NRCAM: variants seen among roughly 807,000 people sequenced by gnomAD.
NRCAM encodes the protein neuronal cell adhesion molecule, also known as NgCAM-related cell adhesion molecule.
Under a neutral mutation model 156.5 loss-of-function variants are expected in NRCAM, and 83 were observed. The observed-to-expected ratio is 0.53, with a 90% CI of 0.44 to 0.64. NRCAM has a LOEUF of 0.64. Among genes scored for constraint, NRCAM ranks in the 30% least tolerant of loss-of-function variants. NRCAM has a pLI of 0.00. For missense variants in NRCAM, 1,417 were observed against 1,597.3 expected (o/e 0.89, Z 1.92); for synonymous variants, 538 against 563.9 (o/e 0.95, Z 0.65).
At position 108,149,785 on chromosome 7, in the gene NRCAM, C is replaced by T; in HGVS notation, c.*125G>A. The T allele has an allele frequency of 2.6e-6, 2 of 770,288 alleles. No homozygotes were observed. The highest frequency in any genetic ancestry group is 4.3e-6 in the Non-Finnish European group (2 of 465,288). The allele number at this position is 770,288 out of a possible 1,614,324, so 47.7% of individuals were successfully genotyped here. ...GTTATGTTTTTGCTGTAACTATTCT[C>T]ATAATACTAACATACAGCAGAAAAT... is the stretch of plus-strand genomic sequence containing the variant. On this transcript the variant is annotated 3_prime_UTR_variant, in exon 33 of 33. Transcript: ENST00000379028.
At chr7:108,196,510 A>C (rs553937076) in intron 14 of NRCAM, among the ~76,000 whole-genome samples, 16 of 152,352 alleles carry the variant, frequency 1.1e-4, no homozygotes, top group Admixed American at 9.8e-4. Context: ...ACCTGGTTAA[A>C]AATGGGCAAG....
At chr7:108,366,366 T>C (rs900850970) in intron 2 of NRCAM, among the ~76,000 whole-genome samples, 1 of 152,184 alleles carries the variant, frequency 6.6e-6, no homozygotes, top group African/African-American at 2.4e-5. Flanking sequence ...AGACTGCAAT[T>C]GAACCACTAA....
Position 108,195,870 on chromosome 7 carries a change from C to G in NRCAM, c.1354G>C (p.Glu452Gln). 1 of 1,587,186 alleles carries G rather than the reference C, an allele frequency of 6.3e-7. No homozygotes were observed. The highest frequency in any genetic ancestry group is 8.6e-7 in the Non-Finnish European group (1 of 1,156,206). ...GCAGGTGTGAGGATTCGTGGTGGCTCAGCTACAAATATTTTTAAAAGGTAA... is the reference window on the plus strand; with the variant it reads ...GCAGGTGTGAGGATTCGTGGTGGCTGAGCTACAAATATTTTTAAAAGGTAA... ...LANAFVNVLA[E>Q]PPRILTPANT... Residue 452 changes from glutamate (E) to glutamine (Q), a missense_variant and splice_region_variant, in exon 15 of 33, where the codon GAG (glutamate) becomes CAG (glutamine). Around this residue, in one of 2 missense-constraint regions of NRCAM, gnomAD observed 1,238 missense variants for 1,336.4 expected, o/e 0.93. Transcript: ENST00000379028.
chr7:108,325,625 C>T (rs1044780042), intron 2 of NRCAM, among the ~76,000 whole-genome samples: 2 of 151,940 alleles, frequency 1.3e-5, no homozygotes, highest in African/African-American at 4.8e-5. Context: ...TTATTTTTTG[C>T]CTTAACGCTT....
intron 28 of NRCAM, among the ~76,000 whole-genome samples, chr7:108,170,043 T>C (rs1042468730): frequency 8.5e-5 from 13 of 152,168 alleles, no homozygotes; most frequent in African/African-American, 3.1e-4. Context: ...TTGTTTCTAG[T>C]TTTATTGAAA....
At chr7:108,321,013 C>A in intron 2 of NRCAM, among the ~76,000 whole-genome samples, 1 of 152,170 alleles carries the variant, frequency 6.6e-6, no homozygotes. Flanking sequence ...GCATAGTGAG[C>A]TATTCTGTCC....
At chr7:108,206,717 CT>C (rs2081345299) in intron 13 of NRCAM, among the ~76,000 whole-genome samples, 1 of 152,118 alleles carries the variant, frequency 6.6e-6, no homozygotes, top group African/African-American at 2.4e-5. Flanking sequence ...CTATAATTCC[CT>C]TGACTCTCCC....
intron 2 of NRCAM, among the ~76,000 whole-genome samples, chr7:108,358,038 A>G (rs1446876907): frequency 6.6e-6 from 1 of 152,156 alleles, no homozygotes; most frequent in African/African-American, 2.4e-5. Flanking sequence ...TGAAATCTTC[A>G]TAAGCCAAAG....
chr7:108,193,512 C>A (rs2073349235), intron 17 of NRCAM, among the ~76,000 whole-genome samples: 1 of 152,196 alleles, frequency 6.6e-6, no homozygotes, highest in Non-Finnish European at 1.5e-5. Context: ...ATGAAATCTG[C>A]AGCATGCTTG....
At chr7:108,377,418 T>C (rs2099680807) in intron 2 of NRCAM, among the ~76,000 whole-genome samples, 1 of 152,170 alleles carries the variant, frequency 6.6e-6, no homozygotes, top group Admixed American at 6.6e-5. Flanking sequence ...TAGCTATAAA[T>C]ATCCTCAGTG....
At chr7:108,324,546 A>G (rs1383552192) in intron 2 of NRCAM, among the ~76,000 whole-genome samples, 29 of 152,144 alleles carry the variant, frequency 1.9e-4, no homozygotes, top group African/African-American at 2.4e-5. Flanking sequence ...ACAGGATTCT[A>G]TTGAAGTTCT....
chr7:108,437,625 G>A (rs902731761), intron 1 of NRCAM, among the ~76,000 whole-genome samples: 5 of 152,130 alleles, frequency 3.3e-5, no homozygotes, highest in Admixed American at 6.5e-5. Context: ...CCTGAAGGCC[G>A]TAGAATAAAA....
chr7:108,195,689 C>G, intron 15 of NRCAM, 72 bp downstream of exon 15: 1 of 840,470 alleles, frequency 1.2e-6, no homozygotes, highest in South Asian at 1.4e-5. Flanking sequence ...TGAATAAAAC[C>G]CAACATATTT....
rs948945077 is a variant in NRCAM at position 108,349,817 on chromosome 7, C to T, written c.-173-37086G>A. On this transcript the variant is annotated intron_variant, in intron 2 of 32. Coordinates refer to ENST00000379028, the MANE Select transcript of NRCAM (RefSeq NM_001037132.4). ...CTTGTTTCCACCCTTATCCCTACAC[C>T]GAGGTCATAGCGATCATTTAAAACA... Among the ~76,000 whole-genome samples, 8 of 152,114 alleles carry T rather than the reference C, an allele frequency of 5.3e-5. No individual in the cohort carries two copies. In the South Asian group the frequency reaches 8.3e-4, roughly 16 times the overall value.
chr7:108,335,364 T>C (rs77954540), intron 2 of NRCAM, among the ~76,000 whole-genome samples: 2,557 of 148,634 alleles, frequency 0.017, 75 homozygotes, highest in African/African-American at 0.06. Context: ...AAAGAGAAGA[T>C]AAGAGAGTGG....
At chr7:108,258,668 G>A (rs57953221) in intron 3 of NRCAM, among the ~76,000 whole-genome samples, 5,271 of 152,254 alleles carry the variant, frequency 0.035, 332 homozygotes, top group African/African-American at 0.12. Context: ...TTCCTCACCT[G>A]TAAAACGGGG....
chr7:108,151,860 A>T (rs2041861324), intron 32 of NRCAM, among the ~76,000 whole-genome samples: 1 of 152,170 alleles, frequency 6.6e-6, no homozygotes, highest in Non-Finnish European at 1.5e-5. Context: ...TGTCACCTGG[A>T]TTCCAATGAC....
At chr7:108,353,318 TTTCTTCC>T (rs1224634789) in intron 2 of NRCAM, among the ~76,000 whole-genome samples, 3 of 152,020 alleles carry the variant, frequency 2.0e-5, no homozygotes, top group African/African-American at 4.8e-5. Context: ...TTCTTTCTTC[TTTCTTCC>T]TTCTTTCTTC....
chr7:108,342,648 T>C (rs1202595174), intron 2 of NRCAM, among the ~76,000 whole-genome samples: 3 of 152,032 alleles, frequency 2.0e-5, no homozygotes, highest in African/African-American at 4.8e-5. Flanking sequence ...CAGAAATAGC[T>C]CTAGGAGTCC....
Sources: gnomAD v4.1 joint callset for allele counts (sites outside exome capture counted in the v4.1 genomes callset) on GRCh38, gnomAD v4.1.1 for gene constraint, gnomAD v4.1.1 regional missense constraint, MANE v1.5 for transcripts, NCBI Gene and HGNC (gene_info 2026-07-23, HGNC 2026-07-21) for gene names.